RAB11FIP3: variants seen among roughly 807,000 people sequenced by gnomAD.
RAB11FIP3 encodes rab11 family-interacting protein 3.
A neutral mutation model predicts 77.8 loss-of-function variants in RAB11FIP3; 17 were observed. That is an observed-to-expected ratio of 0.22 (90% CI 0.15 to 0.33). RAB11FIP3 has a LOEUF of 0.33. RAB11FIP3 is among the 10% of genes least tolerant of loss of function. RAB11FIP3 has a pLI of 1.00. For missense variants in RAB11FIP3, 1,005 were observed against 1,011.2 expected (o/e 0.99, Z 0.08); for synonymous variants, 437 against 448.2 (o/e 0.98, Z 0.31).
At position 426,543 on chromosome 16, in the gene RAB11FIP3, G is replaced by A. The variant is rs2054947232; in HGVS notation, c.537G>A (p.Gly179=). ...AGCTGGCGCTGGAGCAAGGTCCCGG[G>A]TCCCCGCCGCAGCCCTCGGACCTCA... ...AGELALEQGP[G]SPPQPSDLSQ... Residue 179 remains glycine, a synonymous_variant, in exon 1 of 14, where the codon GGG becomes GGA. Transcript: ENST00000262305. The surrounding 1 kb of genome is among the most constrained non-coding windows in gnomAD (Gnocchi z 5.0). The A allele has an allele frequency of 1.3e-6, 2 of 1,570,726 alleles. No individual in the cohort carries two copies. The highest frequency in any genetic ancestry group is 2.4e-5 in the East Asian group (1 of 42,206).
chr16:492,288 C>T (rs1198475375), intron 5 of RAB11FIP3, among the ~76,000 whole-genome samples: 1 of 151,548 alleles, frequency 6.6e-6, no homozygotes, highest in African/African-American at 2.4e-5. Flanking sequence ...GGGCCCGGCA[C>T]TGATGGCCAT....
In RAB11FIP3 at chr16:519,902, AC is replaced by A. The variant is rs1401117633; in HGVS notation, c.1860+14del. On this transcript the variant is annotated intron_variant, in intron 11 of 13. Coordinates refer to ENST00000262305, the MANE Select transcript of RAB11FIP3 (RefSeq NM_014700.4). ...GAGGCCACCCAGGAGGTGAGCACCC[AC>A]CCTGCCCCACGCCCAGTCCTGCGCC... 2.5e-6 allele frequency: 4 copies of A among 1,569,866 alleles called. No individual in the cohort carries two copies. Among genetic ancestry groups the A allele is most frequent in the Non-Finnish European group, 3.5e-6 (4 of 1,158,094 alleles).
At chr16:473,766 G>A (rs1262630865) in intron 3 of RAB11FIP3, among the ~76,000 whole-genome samples, 6 of 152,102 alleles carry the variant, frequency 3.9e-5, no homozygotes, top group Non-Finnish European at 7.4e-5. Flanking sequence ...GCCAAAGTCC[G>A]TAGTTGAGGG....
At chr16:467,584 G>C (rs1415574544) in intron 2 of RAB11FIP3, among the ~76,000 whole-genome samples, 1 of 109,036 alleles carries the variant, frequency 9.2e-6, no homozygotes, top group Non-Finnish European at 1.9e-5. Flanking sequence ...GGGAGGAGGT[G>C]CTGGGGCCTC....
At chr16:440,641 A>T (rs1354630895) in intron 1 of RAB11FIP3, among the ~76,000 whole-genome samples, 1 of 152,232 alleles carries the variant, frequency 6.6e-6, no homozygotes, top group African/African-American at 2.4e-5. Context: ...TAGGTCAGTG[A>T]TGCATCTTCC....
rs991796408 is a variant in RAB11FIP3, at chr16:522,047, G to C, written c.*1208G>C. 5.9e-5 allele frequency: 9 copies of C among 152,058 alleles called. No individual in the cohort carries two copies. Among genetic ancestry groups the C allele is most frequent in the Non-Finnish European group, 7.4e-5 (5 of 68,020 alleles). The allele number at this position is 152,058 out of a possible 1,614,324, so 9.4% of individuals were successfully genotyped here. ...TGCGTGTGTGTGCGCGCGCGTGTAC[G>C]TGTGGCCCCACATCCGCCGCCTTCC... is the stretch of plus-strand genomic sequence containing the variant. On this transcript the variant is annotated 3_prime_UTR_variant, in exon 14 of 14. Transcript: ENST00000262305.
At chr16:469,642 G>A (rs1192110925) in intron 2 of RAB11FIP3, among the ~76,000 whole-genome samples, 2 of 146,876 alleles carry the variant, frequency 1.4e-5, no homozygotes, top group South Asian at 4.4e-4. Context: ...CGCCCGCCTC[G>A]GCCTCCCAAA....
At chr16:497,165 C>G in intron 6 of RAB11FIP3, 3 of 830,442 alleles carry the variant, frequency 3.6e-6, no homozygotes, top group Non-Finnish European at 5.2e-6. Context: ...TATGTTAGCT[C>G]TGAGGTAGCG....
Position 520,530 on chromosome 16 carries a change from C to A in RAB11FIP3, c.2088C>A (p.Ala696=), listed in dbSNP as rs772221182. 1 of 1,613,756 alleles carries A rather than the reference C, an allele frequency of 6.2e-7. No individual in the cohort carries two copies. Among genetic ancestry groups the A allele is most frequent in the South Asian group, 1.1e-5 (1 of 91,088 alleles). Reference sequence around the variant, plus strand: ...TCATTACCCTCAGCATCCAGGGCGCCAAGAGCCTCTTCTCCACAGCCTTCT... The same window carrying A: ...TCATTACCCTCAGCATCCAGGGCGCAAAGAGCCTCTTCTCCACAGCCTTCT... ...GQIITLSIQG[A]KSLFSTAFSE... is the part of the protein sequence containing the mutation. The change falls in exon 13 of 14, where the codon GCC becomes GCA. Residue 696 remains alanine, a synonymous_variant. Transcript: ENST00000262305.
rs868383231 is a variant in RAB11FIP3, at chr16:489,111, G to A, written c.1265+111G>A. On this transcript the variant is annotated intron_variant, in intron 5 of 13. Transcript: ENST00000262305. ...GGTGAGAGAACTTGCTTTCCTTGAC[G>A]TCATGTGATTAAGTAAACCATATTC... is the stretch of plus-strand genomic sequence containing the variant. The A allele has an allele frequency of 2.5e-5, 32 of 1,276,504 alleles. No homozygotes were observed. The Middle Eastern group carries it at 8.1e-4, about 32-fold the overall frequency. 79.1% of individuals were successfully genotyped at this position (1,276,504 alleles called of 1,614,324 possible). A position where few individuals can be genotyped will look rare whatever the true frequency, so the allele number is the denominator to read the frequency against.
Position 488,862 on chromosome 16 carries a change from A to G in RAB11FIP3, c.1127A>G (p.His376Arg), listed in dbSNP as rs536304412. ...GTTTTACTTTGCAGGCCTCACCCCC[A>G]TGGCCAGTCTGTCATCACGGTGATC... ...LLLLPGRPHP[H>R]GQSVITVIGG... Residue 376 changes from histidine to arginine, a missense_variant, in exon 5 of 14, where the codon CAT becomes CGT. Coordinates refer to ENST00000262305, the MANE Select transcript of RAB11FIP3 (RefSeq NM_014700.4). 2.5e-6 allele frequency: 4 copies of G among 1,613,960 alleles called. No homozygotes were observed. Among genetic ancestry groups the G allele is most frequent in the Admixed American group, 1.7e-5 (1 of 60,006 alleles).
In RAB11FIP3 at chr16:482,607, G is replaced by A; in HGVS notation, c.986G>A (p.Ser329Asn). Residue 329 changes from serine (S) to asparagine (N), a missense_variant, in exon 4 of 14, where the codon AGC becomes AAC. Transcript: ENST00000262305. ...ECETFTDEDT[S>N]TLVHPELQPE... ...GAGACCTTCACGGACGAGGACACCA[G>A]CACCCTGGTGCACCCTGAGCTGCAA... 1 of 1,613,554 alleles carries A rather than the reference G, an allele frequency of 6.2e-7. No individual in the cohort carries two copies. The highest frequency in any genetic ancestry group is 8.5e-7 in the Non-Finnish European group (1 of 1,180,042).
chr16:440,850 C>T (rs113459696), intron 1 of RAB11FIP3, among the ~76,000 whole-genome samples: 5 of 152,210 alleles, frequency 3.3e-5, no homozygotes, highest in African/African-American at 9.6e-5. Flanking sequence ...AGAACAGGTG[C>T]TGGCACAGGC....
intron 5 of RAB11FIP3, among the ~76,000 whole-genome samples, chr16:493,844 GA>G (rs1328771502): frequency 1.4e-5 from 2 of 147,556 alleles, no homozygotes; most frequent in Non-Finnish European, 3.0e-5. Context: ...CGCCCGCCTT[GA>G]CCCCCCAAAG....
At chr16:486,890 C>A (rs1017016596) in intron 4 of RAB11FIP3, among the ~76,000 whole-genome samples, 9 of 152,196 alleles carry the variant, frequency 5.9e-5, no homozygotes, top group Admixed American at 4.6e-4. Flanking sequence ...GATTCTCCTC[C>A]CCTCAGAGGG....
At position 514,899 on chromosome 16, in the gene RAB11FIP3, C is replaced by T. The variant is rs901143677; in HGVS notation, c.1641-4044C>T. On this transcript the variant is annotated intron_variant, in intron 9 of 13. Coordinates refer to ENST00000262305, the MANE Select transcript of RAB11FIP3 (RefSeq NM_014700.4). This position sits in a 1 kb window ranked among gnomAD's most constrained non-coding sequence, Gnocchi z 4.6. Reference sequence around the variant, plus strand: ...TCAGGCACAGAGTGAACTGGGTGAACGTGGCCCTGGTGTGTGGTGCTTTCT... The same window carrying T: ...TCAGGCACAGAGTGAACTGGGTGAATGTGGCCCTGGTGTGTGGTGCTTTCT... Among the ~76,000 whole-genome samples the T allele has an allele frequency of 6.6e-6, 1 of 152,212 alleles. No individual in the cohort carries two copies. Among genetic ancestry groups the T allele is most frequent in the Non-Finnish European group, 1.5e-5 (1 of 68,030 alleles).
intron 9 of RAB11FIP3, among the ~76,000 whole-genome samples, chr16:512,032 C>T (rs898067969): frequency 6.6e-5 from 10 of 152,128 alleles, no homozygotes; most frequent in African/African-American, 1.4e-4. Context: ...TCCGACAGCC[C>T]GCCCACCCCA....
intron 1 of RAB11FIP3, among the ~76,000 whole-genome samples, chr16:434,601 AT>A (rs1178559378): frequency 1.3e-5 from 2 of 151,094 alleles, no homozygotes; most frequent in Admixed American, 1.3e-4. Context: ...TAATTTTTCT[AT>A]TTTTTATAGA....
At chr16:456,691 A>T (rs2055509957) in intron 1 of RAB11FIP3, among the ~76,000 whole-genome samples, 1 of 152,154 alleles carries the variant, frequency 6.6e-6, no homozygotes, top group African/African-American at 2.4e-5. Context: ...CAGAAGGCGG[A>T]GGTTGTAGTG....
Sources: gnomAD v4.1 joint callset for allele counts (sites outside exome capture counted in the v4.1 genomes callset) on GRCh38, gnomAD v4.1.1 for gene constraint, Gnocchi (gnomAD v3.1) non-coding constraint, MANE v1.5 for transcripts, NCBI Gene and HGNC (gene_info 2026-07-23, HGNC 2026-07-21) for gene names.